The following C22orf31 variants were observed in gnomAD, a reference collection of about 807,000 sequenced individuals.
The protein encoded by C22orf31 is uncharacterized protein C22orf31.
In C22orf31, 11 loss-of-function variants were observed where a neutral mutation model predicts 15.0. The observed-to-expected ratio is 0.73, with a 90% confidence interval of 0.46 to 1.21. The LOEUF is 1.21. Ranked by LOEUF, C22orf31 falls within the 50% of genes most tolerant of loss-of-function variation. The pLI is 0.00. For synonymous variants in C22orf31, 132 were observed against 133.3 expected, an observed-to-expected ratio of 0.99 and a Z score of 0.07; for missense variants, 340 against 347.2, an observed-to-expected ratio of 0.98 and a Z score of 0.17.
At chr22:29,071,596 C>T in the C22orf31 span, among the ~76,000 whole-genome samples, 1 of 152,060 alleles carries the variant, frequency 6.6e-6, no homozygotes, top group Non-Finnish European at 1.5e-5. Flanking sequence ...AAGCCCGGGA[C>T]CAGGGACTTG....
the C22orf31 span, among the ~76,000 whole-genome samples, chr22:29,068,006 C>T: frequency 6.6e-6 from 1 of 151,594 alleles, no homozygotes; most frequent in Non-Finnish European, 1.5e-5. Flanking sequence ...CCCAGGAATT[C>T]GAGGCTGTAG....
chr22:29,060,648 TC>T lies in C22orf31; in HGVS notation c.198del (p.Asn67ThrfsTer3). ...PATTSSWEVV[R>X]NPLIASSFSL... ...GAGAAGGAACTGGCAATTAATGGGT[TC>T]CTTACAACTTCCCAAGAGGAAGTGG... On this transcript the variant is annotated frameshift_variant, in exon 2 of 3. Transcript: ENST00000216071. LOFTEE classifies it high-confidence loss of function. 2 of 1,614,208 alleles carry T rather than the reference TC, an allele frequency of 1.2e-6. No homozygotes were observed. Among genetic ancestry groups the T allele is most frequent in the East Asian group, 4.5e-5 (2 of 44,876 alleles).
At chr22:29,064,604 C>T (rs1334408433), upstream of C22orf31, among the ~76,000 whole-genome samples, 1 of 151,052 alleles carries the variant, frequency 6.6e-6, no homozygotes, top group African/African-American at 2.4e-5. Flanking sequence ...GCCTCGACCT[C>T]CTGGGCTCAA....
chr22:29,071,872 T>C, the C22orf31 span, among the ~76,000 whole-genome samples: 1 of 152,220 alleles, frequency 6.6e-6, no homozygotes, highest in Non-Finnish European at 1.5e-5. Flanking sequence ...TAAGCAGTAC[T>C]GTCTCATCCA....
At chr22:29,061,629 C>T (rs1569304782) in intron 1 of C22orf31, among the ~76,000 whole-genome samples, 161 bp downstream of exon 1, 1 of 152,188 alleles carries the variant, frequency 6.6e-6, no homozygotes, top group Non-Finnish European at 1.5e-5. Context: ...AATCAATATA[C>T]TCTGGGGACC....
the C22orf31 span, among the ~76,000 whole-genome samples, chr22:29,072,321 TCG>T: frequency 6.6e-6 from 1 of 152,058 alleles, no homozygotes; most frequent in African/African-American, 2.4e-5. Context: ...AGATGGGGTC[TCG>T]CTGTGTTGCC....
At chr22:29,062,114 A>G (rs1322035409), upstream of C22orf31, among the ~76,000 whole-genome samples, 7 of 152,230 alleles carry the variant, frequency 4.6e-5, no homozygotes, top group Middle Eastern at 3.2e-3. Context: ...TTCTAGCCTC[A>G]GAAACTTCTG....
the C22orf31 span, among the ~76,000 whole-genome samples, chr22:29,067,210 C>T: frequency 6.6e-6 from 1 of 151,536 alleles, no homozygotes; most frequent in Non-Finnish European, 1.5e-5. Context: ...GCATTAAATA[C>T]TATTTACTAA....
chr22:29,060,734 G>A lies in C22orf31; in HGVS notation c.113C>T (p.Thr38Ile), dbSNP rs2123899659. Reference sequence around the variant, plus strand: ...ACATGTTCTGGCCATCCAGATGTTGGTGAGAGCCGGTGAGTCCACATAGCA... The same window carrying A: ...ACATGTTCTGGCCATCCAGATGTTGATGAGAGCCGGTGAGTCCACATAGCA... Reference protein sequence around the residue: ...QDCYVDSPALTNIWMARTCAK... With the variant: ...QDCYVDSPALINIWMARTCAK... Residue 38 changes from threonine (T) to isoleucine (I), a missense_variant, in exon 2 of 3, where the codon ACC becomes ATC. Thr to Ile is a moderately conservative substitution (Grantham distance 89). Coordinates refer to ENST00000216071, the MANE Select transcript of C22orf31 (RefSeq NM_015370.2). 6.2e-7 allele frequency: 1 copy of A among 1,614,136 alleles called. No individual in the cohort carries two copies. Among genetic ancestry groups the A allele is most frequent in the South Asian group, 1.1e-5 (1 of 91,074 alleles).
upstream of C22orf31, among the ~76,000 whole-genome samples, chr22:29,063,689 G>T (rs992780209): frequency 1.3e-4 from 20 of 152,126 alleles, no homozygotes; most frequent in African/African-American, 4.6e-4. Context: ...CTTCCTGAAG[G>T]CCAGGCACTG....
upstream of C22orf31, chr22:29,061,846 G>A (rs1180531152): frequency 3.6e-6 from 5 of 1,379,560 alleles, no homozygotes; most frequent in Non-Finnish European, 4.0e-6. Flanking sequence ...GAAGAAATAT[G>A]TATTTTCTCT....
the C22orf31 span, among the ~76,000 whole-genome samples, chr22:29,073,917 C>CG: frequency 5.2e-3 from 791 of 152,242 alleles, 5 homozygotes; most frequent in Non-Finnish European, 8.7e-3. The surrounding 1 kb of genome is among the most constrained non-coding windows in gnomAD (Gnocchi z 4.4). Context: ...AGGCTATACG[C>CG]CCCTCTCCGA....
At chr22:29,062,597 C>G (rs886645198), upstream of C22orf31, among the ~76,000 whole-genome samples, 1 of 152,060 alleles carries the variant, frequency 6.6e-6, no homozygotes, top group Non-Finnish European at 1.5e-5. Flanking sequence ...GCCTCAGGAG[C>G]CTCCCTCCTG....
chr22:29,060,141 C>G (rs1326596496), intron 2 of C22orf31: 1 of 248,364 alleles, frequency 4.0e-6, no homozygotes, highest in Non-Finnish European at 6.4e-6. Context: ...AAGTAATCCT[C>G]CCTCCTTAGC....
upstream of C22orf31, among the ~76,000 whole-genome samples, chr22:29,063,346 A>G (rs1313540066): frequency 1.3e-5 from 2 of 152,006 alleles, no homozygotes; most frequent in Non-Finnish European, 2.9e-5. Context: ...TTGTATTTTT[A>G]GTAGAGATGA....
At chr22:29,066,317 A>G (rs548058327), upstream of C22orf31, among the ~76,000 whole-genome samples, 4 of 152,272 alleles carry the variant, frequency 2.6e-5, no homozygotes, top group South Asian at 4.1e-4. Context: ...TCATGATGCA[A>G]AAGAGAAACA....
upstream of C22orf31, among the ~76,000 whole-genome samples, chr22:29,062,109 G>C (rs2037397473): frequency 6.6e-6 from 1 of 152,136 alleles, no homozygotes; most frequent in South Asian, 2.1e-4. Flanking sequence ...TTTGCTTCTA[G>C]CCTCAGAAAC....
At position 29,059,119 on chromosome 22, in the gene C22orf31, C is replaced by T; in HGVS notation, c.496G>A (p.Glu166Lys). Residue 166 changes from glutamate (E) to lysine (K), a missense_variant, in exon 3 of 3, where the codon GAA becomes AAA. Coordinates refer to ENST00000216071, the MANE Select transcript of C22orf31 (RefSeq NM_015370.2). ...AGCGCTTGGGTGGCAGCCACATGTTCAGCATATCTGTCCTCAAGATCTTGG... is the reference window on the plus strand; with the variant it reads ...AGCGCTTGGGTGGCAGCCACATGTTTAGCATATCTGTCCTCAAGATCTTGG... ...VRQDLEDRYA[E>K]HVAATQALPQ... is the part of the protein sequence containing the mutation. 6.2e-7 allele frequency: 1 copy of T among 1,614,128 alleles called. No individual in the cohort carries two copies. The highest frequency in any genetic ancestry group is 8.5e-7 in the Non-Finnish European group (1 of 1,180,010).
At chr22:29,063,407 C>A (rs963212174), upstream of C22orf31, among the ~76,000 whole-genome samples, 2 of 152,170 alleles carry the variant, frequency 1.3e-5, no homozygotes, top group Admixed American at 6.5e-5. Flanking sequence ...CTCAAGTGAT[C>A]CACCCACCTT....
Sources: allele counts gnomAD v4.1 joint callset (sites outside exome capture counted in the v4.1 genomes callset), GRCh38; gene constraint gnomAD v4.1.1; non-coding constraint Gnocchi (gnomAD v3.1); transcripts MANE v1.5; gene names NCBI Gene and HGNC (gene_info 2026-07-23, HGNC 2026-07-21).